Variants in GRIP2 observed in about 807,000 individuals in gnomAD.
GRIP2 encodes glutamate receptor interacting protein 2.
In GRIP2, 58 loss-of-function variants were observed where a neutral mutation model predicts 108.3. The observed-to-expected ratio is 0.54, with a 90% CI of 0.43 to 0.67. The LOEUF (loss-of-function observed/expected upper bound fraction) is 0.67. Among genes scored for constraint, GRIP2 ranks in the 30% least tolerant of loss-of-function variants. GRIP2 has a pLI of 0.00. For missense variants in GRIP2, 1,278 were observed against 1,430.6 expected, an observed-to-expected ratio of 0.89 and a Z score of 1.72; for synonymous variants, 586 against 598.2, an observed-to-expected ratio of 0.98 and a Z score of 0.30.
intron 1 of GRIP2, among the ~76,000 whole-genome samples, chr3:14,547,682 CCCTCCCCATCCT>C (rs1695078297): frequency 6.6e-6 from 1 of 152,164 alleles, no homozygotes; most frequent in Non-Finnish European, 1.5e-5. Context: ...TGTCTGTCCA[CCCTCCCCATCCT>C]CCTCCCCTCA....
chr3:14,579,176 C>T, the GRIP2 span, among the ~76,000 whole-genome samples: 7 of 152,016 alleles, frequency 4.6e-5, no homozygotes, highest in Admixed American at 6.5e-5. Flanking sequence ...CAGGCTGAGC[C>T]AAAGAGGCCA....
the GRIP2 span, among the ~76,000 whole-genome samples, chr3:14,589,666 C>A: frequency 2.0e-5 from 3 of 152,090 alleles, no homozygotes; most frequent in Non-Finnish European, 4.4e-5. Flanking sequence ...AGAGTGTCAG[C>A]ACTTGCCATA....
chr3:14,515,573 G>A (rs1694225412), intron 11 of GRIP2, among the ~76,000 whole-genome samples: 1 of 151,444 alleles, frequency 6.6e-6, no homozygotes, highest in South Asian at 2.1e-4. Flanking sequence ...AAATTATATT[G>A]TATATTATAC....
intron 11 of GRIP2, among the ~76,000 whole-genome samples, chr3:14,515,016 C>T (rs1694211189): frequency 6.6e-6 from 1 of 152,224 alleles, no homozygotes; most frequent in South Asian, 2.1e-4. Context: ...TGTCCCTCAG[C>T]CCTAGGCAAC....
intron 1 of GRIP2, among the ~76,000 whole-genome samples, chr3:14,535,160 G>A (rs1694805594): frequency 6.6e-6 from 1 of 152,160 alleles, no homozygotes; most frequent in Non-Finnish European, 1.5e-5. Flanking sequence ...TGGGCGCTAA[G>A]TACTCCACCA....
the GRIP2 span, among the ~76,000 whole-genome samples, chr3:14,585,361 T>A: frequency 6.6e-6 from 1 of 152,182 alleles, no homozygotes; most frequent in Non-Finnish European, 1.5e-5. Context: ...TTTTTAAAGG[T>A]GTTTGATTTA....
At chr3:14,601,823 G>A in the GRIP2 span, among the ~76,000 whole-genome samples, 843 of 152,334 alleles carry the variant, frequency 5.5e-3, 2 homozygotes, top group Non-Finnish European at 6.2e-3. Context: ...TAGACTGAGA[G>A]AGGCCCAACC....
At chr3:14,568,888 G>T in the GRIP2 span, among the ~76,000 whole-genome samples, 30 of 152,208 alleles carry the variant, frequency 2.0e-4, no homozygotes, top group Non-Finnish European at 3.7e-4. Flanking sequence ...TCCAACCTCG[G>T]CTCTGCCCTT....
At chr3:14,529,370 A>G (rs955616153) in intron 1 of GRIP2, among the ~76,000 whole-genome samples, 1 of 151,984 alleles carries the variant, frequency 6.6e-6, no homozygotes, top group African/African-American at 2.4e-5. Context: ...AACACTTTGC[A>G]GTATTTAGCC....
At chr3:14,532,181 G>C (rs1481662695) in intron 1 of GRIP2, among the ~76,000 whole-genome samples, 1 of 152,198 alleles carries the variant, frequency 6.6e-6, no homozygotes, top group Non-Finnish European at 1.5e-5. Flanking sequence ...CGGCCCACGC[G>C]CCCTCCCATC....
At chr3:14,574,580 G>T in the GRIP2 span, 3 of 724,538 alleles carry the variant, frequency 4.1e-6, no homozygotes, top group East Asian at 7.6e-5. Flanking sequence ...CAAAAACTTC[G>T]TCCGGGTATG....
intron 4 of GRIP2, 95 bp downstream of exon 4, chr3:14,524,297 TG>T: frequency 7.1e-7 from 1 of 1,410,314 alleles, no homozygotes; most frequent in Non-Finnish European, 9.6e-7. Context: ...CCACTCCATC[TG>T]GCATGATCCC....
At chr3:14,542,957 G>A (rs1695000956), upstream of GRIP2, among the ~76,000 whole-genome samples, 1 of 152,182 alleles carries the variant, frequency 6.6e-6, no homozygotes, top group African/African-American at 2.4e-5. Flanking sequence ...ATGGGCCTCA[G>A]GATTTCAGGG....
Position 14,507,027 on chromosome 3 carries a change from G to A in GRIP2, c.2219-47C>T, listed in dbSNP as rs1186606597. 6.6e-7 allele frequency: 1 copy of A among 1,506,906 alleles called. No individual in the cohort carries two copies. The highest frequency in any genetic ancestry group is 2.4e-5 in the East Asian group (1 of 41,020). 93.3% of individuals were successfully genotyped at this position (1,506,906 alleles called of 1,614,324 possible). ...AATTCTGACTTCAGAGACACTCACA[G>A]TGAGCCTCAGTTTCTGCATTTCAGC... On this transcript the variant is annotated intron_variant, in intron 18 of 23. Transcript: ENST00000621039. The surrounding 1 kb of genome is among the most constrained non-coding windows in gnomAD (Gnocchi z 4.6).
rs139469124 is a variant in GRIP2 at position 14,536,911 on chromosome 3, G to A, written c.40+3358C>T. Among the ~76,000 whole-genome samples the A allele has an allele frequency of 1.5e-4, 23 of 152,220 alleles. 1 individual carries two copies. The South Asian group carries it at 2.9e-3, about 19-fold the overall frequency. ...CCCCTGACTTCACCTCCTGATGCTC[G>A]CCCTGGCCAGCTCCACTCCAGCACA... On this transcript the variant is annotated intron_variant, in intron 1 of 23. Coordinates refer to ENST00000621039, the MANE Select transcript of GRIP2 (RefSeq NM_001080423.4).
the GRIP2 span, among the ~76,000 whole-genome samples, chr3:14,583,995 C>A: frequency 2.6e-5 from 4 of 152,318 alleles, no homozygotes; most frequent in African/African-American, 9.6e-5. Flanking sequence ...ATGCCAGTTG[C>A]TATCCTAGAC....
At chr3:14,602,558 GCCAGGGCTCCCT>G in the GRIP2 span, among the ~76,000 whole-genome samples, 1 of 151,610 alleles carries the variant, frequency 6.6e-6, no homozygotes, top group South Asian at 2.1e-4. The surrounding 1 kb of genome is among the most constrained non-coding windows in gnomAD (Gnocchi z 4.7). Flanking sequence ...GCCTCGCCAA[GCCAGGGCTCCCT>G]CCAGGAGCCC....
chr3:14,523,057 C>A lies in GRIP2; in HGVS notation c.509G>T (p.Gly170Val). 1 of 1,609,882 alleles carries A rather than the reference C, an allele frequency of 6.2e-7. No individual in the cohort carries two copies. The highest frequency in any genetic ancestry group is 1.1e-5 in the South Asian group (1 of 90,670). Residue 170 changes from glycine (G) to valine (V), a missense_variant, in exon 6 of 24, where the codon GGG (glycine) becomes GTG (valine). Transcript: ENST00000621039. ...FVLRGGAHED[G>V]HKSRPLVLTY... ...CAGGACAAGCGGGCGGGACTTGTGC[C>A]CATCTTCATGGGCACCTCCTGGACA...
chr3:14,532,185 T>TGG (rs1694725492), intron 1 of GRIP2, among the ~76,000 whole-genome samples: 1 of 152,152 alleles, frequency 6.6e-6, no homozygotes, highest in African/African-American at 2.4e-5. Context: ...CCACGCGCCC[T>TGG]CCCATCCTCA....
Sources: gnomAD v4.1 joint callset for allele counts (sites outside exome capture counted in the v4.1 genomes callset) on GRCh38, gnomAD v4.1.1 for gene constraint, Gnocchi (gnomAD v3.1) non-coding constraint, MANE v1.5 for transcripts, NCBI Gene and HGNC (gene_info 2026-07-23, HGNC 2026-07-21) for gene names.